The following CNOT1 variants were observed in gnomAD, a reference collection of about 807,000 sequenced individuals.
The protein encoded by CNOT1 is CCR4-NOT transcription complex subunit 1.
Under a neutral mutation model 273.8 loss-of-function variants are expected in CNOT1, and 15 were observed. The observed-to-expected ratio is 0.05, with a 90% CI of 0.04 to 0.08. The LOEUF is 0.08. Among genes scored for constraint, CNOT1 ranks in the 10% least tolerant of loss-of-function variants. The pLI is 1.00. For synonymous variants in CNOT1, 1,022 were observed against 1,005.5 expected (o/e 1.02, Z -0.31); for missense variants, 1,644 against 2,912.2 (o/e 0.56, Z 10.02).
intron 48 of CNOT1, 57 bp downstream of exon 48, chr16:58,521,126 G>A (rs542950385): frequency 6.8e-6 from 11 of 1,613,124 alleles, no homozygotes; most frequent in Non-Finnish European, 9.3e-6. Context: ...CCTAGAGACA[G>A]ATGGTTTTCA....
Position 58,520,659 on chromosome 16 carries a change from A to G in CNOT1, c.*299T>C. 2.5e-6 allele frequency: 1 copy of G among 400,128 alleles called. No homozygotes were observed. Among genetic ancestry groups the G allele is most frequent in the Non-Finnish European group, 4.6e-6 (1 of 215,392 alleles). The allele number at this position is 400,128 out of a possible 1,614,324, so 24.8% of individuals were successfully genotyped here. On this transcript the variant is annotated 3_prime_UTR_variant, in exon 49 of 49. Transcript: ENST00000317147. ...ACCAGTTTATGTACTTGCCTTGGAC[A>G]CAGCTTGCACAAAGCCAAGAAGTTC...
Position 58,537,239 on chromosome 16 carries a change from G to A in CNOT1, c.5415-19C>T, listed in dbSNP as rs1291944634. 1 of 1,556,868 alleles carries A rather than the reference G, an allele frequency of 6.4e-7. No homozygotes were observed. Among genetic ancestry groups the A allele is most frequent in the Non-Finnish European group, 8.7e-7 (1 of 1,151,300 alleles). Reference sequence around the variant, plus strand: ...GGGCAATCTAGCACAATAAATAAAGGGTGAAAATCAGTCTCCTCGTAGTTG... The same window carrying A: ...GGGCAATCTAGCACAATAAATAAAGAGTGAAAATCAGTCTCCTCGTAGTTG... On this transcript the variant is annotated intron_variant, in intron 38 of 48. Coordinates refer to ENST00000317147, the MANE Select transcript of CNOT1 (RefSeq NM_016284.5).
chr16:58,558,739 A>T (rs2040725169), intron 17 of CNOT1, 65 bp from the exon 18 acceptor site: 1 of 1,553,784 alleles, frequency 6.4e-7, no homozygotes, highest in Non-Finnish European at 8.7e-7. Flanking sequence ...CATGTAAAGC[A>T]ATCTTTAACA....
intron 1 of CNOT1, among the ~76,000 whole-genome samples, chr16:58,600,875 G>T (rs1176280237): frequency 6.6e-6 from 1 of 152,228 alleles, no homozygotes; most frequent in Non-Finnish European, 1.5e-5. Flanking sequence ...TGAGGTGGGA[G>T]ATGGGAGGAT....
intron 1 of CNOT1, among the ~76,000 whole-genome samples, chr16:58,608,296 C>T (rs1456303590): frequency 6.6e-6 from 1 of 152,006 alleles, no homozygotes; most frequent in Non-Finnish European, 1.5e-5. Context: ...TGGCTCACAA[C>T]GTAATCCCAG....
rs867548296 is a variant in CNOT1 at position 58,602,576 on chromosome 16, A to T, written c.-174-3065T>A. Among the ~76,000 whole-genome samples the T allele has an allele frequency of 3.9e-3, 589 of 149,550 alleles. 9 individuals are homozygous for T. The highest frequency in any genetic ancestry group is 0.013 in the African/African-American group (549 of 40,770). On this transcript the variant is annotated intron_variant, in intron 1 of 48. Coordinates refer to ENST00000317147, the MANE Select transcript of CNOT1 (RefSeq NM_016284.5). ...TCCAAAAAAAAAAAAAAAAAAAAAA[A>T]ACCCATCCATAAATTAGCCAGGTGT...
intron 47 of CNOT1, 86 bp downstream of exon 47, chr16:58,523,284 G>T: frequency 1.5e-6 from 2 of 1,374,874 alleles, no homozygotes; most frequent in South Asian, 1.6e-5. Flanking sequence ...GATTTTCACT[G>T]AACACTGAAA....
At chr16:58,624,271 T>C (rs758163868) in intron 1 of CNOT1, among the ~76,000 whole-genome samples, 7 of 152,186 alleles carry the variant, frequency 4.6e-5, no homozygotes, top group African/African-American at 4.8e-5. Context: ...AATAGCTTGC[T>C]TGATGCGCAG....
chr16:58,608,667 C>CCT (rs34055357), intron 1 of CNOT1, among the ~76,000 whole-genome samples: 6 of 151,746 alleles, frequency 4.0e-5, no homozygotes, highest in African/African-American at 1.5e-4. Flanking sequence ...TACTTGCACA[C>CCT]GTTTACAGCA....
At chr16:58,611,286 G>A (rs922350580) in intron 1 of CNOT1, among the ~76,000 whole-genome samples, 3 of 151,632 alleles carry the variant, frequency 2.0e-5, no homozygotes, top group Non-Finnish European at 2.9e-5. Context: ...AAAATTAGCC[G>A]GGCGTGACAG....
intron 19 of CNOT1, among the ~76,000 whole-genome samples, chr16:58,556,159 TG>T (rs2040622547): frequency 6.6e-6 from 1 of 152,228 alleles, no homozygotes; most frequent in Non-Finnish European, 1.5e-5. Flanking sequence ...AAAGTTAACT[TG>T]GTTCAAACTC....
chr16:58,582,215 C>A (rs928614653), intron 10 of CNOT1, among the ~76,000 whole-genome samples: 4 of 152,088 alleles, frequency 2.6e-5, no homozygotes, highest in African/African-American at 9.7e-5. Context: ...CTGCTTGAAC[C>A]CAGGAGCCAG....
intron 16 of CNOT1, among the ~76,000 whole-genome samples, chr16:58,570,347 GAAC>G (rs2041225112): frequency 6.6e-6 from 1 of 152,152 alleles, no homozygotes; most frequent in South Asian, 2.1e-4. Flanking sequence ...CCTAATTAAA[GAAC>G]AACTGGGCTG....
intron 38 of CNOT1, among the ~76,000 whole-genome samples, chr16:58,537,520 C>G (rs912300031): frequency 6.6e-6 from 1 of 152,222 alleles, no homozygotes; most frequent in African/African-American, 2.4e-5. Context: ...ACCATGCTTT[C>G]TTTACGTTAC....
chr16:58,585,409 C>G lies in CNOT1; in HGVS notation c.735G>C (p.Gly245=). ...AGCTCTCCATCATGGTTTTAGCTAC[C>G]CCTCCGGAATCAGGCAGGATCCTGT... ...LMDRILPDSG[G]VAKTMMESSL... The change falls in exon 8 of 49, where the codon GGG becomes GGC. Residue 245 remains glycine, a synonymous_variant. Transcript: ENST00000317147. 2.5e-6 allele frequency: 4 copies of G among 1,613,812 alleles called. No individual in the cohort carries two copies. Among genetic ancestry groups the G allele is most frequent in the Non-Finnish European group, 3.4e-6 (4 of 1,179,994 alleles).
At chr16:58,563,060 A>G (rs552725778) in intron 16 of CNOT1, among the ~76,000 whole-genome samples, 1 of 152,340 alleles carries the variant, frequency 6.6e-6, no homozygotes, top group African/African-American at 2.4e-5. Context: ...CAATAGCAAA[A>G]TAACAATAGT....
chr16:58,609,284 A>C (rs2042802082), intron 1 of CNOT1, among the ~76,000 whole-genome samples: 1 of 152,116 alleles, frequency 6.6e-6, no homozygotes. Context: ...AGGCAGGAGA[A>C]TCACTTGAAC....
At position 58,558,714 on chromosome 16, in the gene CNOT1, G is replaced by C. The variant is rs141484891; in HGVS notation, c.2131-40C>G. The C allele has an allele frequency of 5.6e-4, 892 of 1,585,702 alleles. 5 individuals are homozygous for C. The African/African-American group carries it at 0.011, about 19-fold the overall frequency. On this transcript the variant is annotated intron_variant, in intron 17 of 48. Coordinates refer to ENST00000317147, the MANE Select transcript of CNOT1 (RefSeq NM_016284.5). ...TATAAAAATGTATTAAACATACTTC[G>C]AGGAAAGGCAGACACATGTAAAGCA...
At chr16:58,607,721 C>CAAAAAAAAAA (rs71385179) in intron 1 of CNOT1, among the ~76,000 whole-genome samples, 104 of 66,822 alleles carry the variant, frequency 1.6e-3, no homozygotes, top group Non-Finnish European at 2.0e-3. Flanking sequence ...CAGCAAAACT[C>CAAAAAAAAAA]AAAAAAAAAA....
Sources: gnomAD v4.1 joint callset for allele counts (sites outside exome capture counted in the v4.1 genomes callset) on GRCh38, gnomAD v4.1.1 for gene constraint, MANE v1.5 for transcripts, NCBI Gene and HGNC (gene_info 2026-07-23, HGNC 2026-07-21) for gene names.